ANKRD12: variants seen among roughly 807,000 people sequenced by gnomAD.
ANKRD12 encodes ankyrin repeat domain-containing protein 12.
In ANKRD12, 85 loss-of-function variants were observed where a neutral mutation model predicts 183.4. That is an observed-to-expected ratio of 0.46 (90% CI 0.39 to 0.56). The LOEUF is 0.56. Ranked by LOEUF, ANKRD12 falls within the 20% of genes least tolerant of loss-of-function variation. ANKRD12 has a pLI of 0.00. For missense variants in ANKRD12, 2,405 were observed against 2,357.1 expected (o/e 1.02, Z -0.42); for synonymous variants, 914 against 800.2 (o/e 1.14, Z -2.40).
rs201023734 is a variant in ANKRD12, at chr18:9,281,031, C to G, written c.6094C>G (p.Pro2032Ala). 7.9e-5 allele frequency: 127 copies of G among 1,614,112 alleles called. No individual in the cohort carries two copies. Among genetic ancestry groups the G allele is most frequent in the Non-Finnish European group, 1.1e-4 (125 of 1,179,990 alleles). Residue 2032 changes from proline to alanine, a missense_variant, in exon 13 of 13, where the codon CCT becomes GCT. Coordinates refer to ENST00000262126, the MANE Select transcript of ANKRD12 (RefSeq NM_015208.5). ...EWQLKLQELD[P>A]ATYKSISIYE... ...GCAGCTCAAACTCCAGGAACTTGAT[C>G]CTGCCACCTATAAATCTATCAGCAT... is the stretch of plus-strand genomic sequence containing the variant.
In ANKRD12 at chr18:9,281,079, G is replaced by A. The variant is rs1391323319; in HGVS notation, c.6142G>A (p.Val2048Ile). ...CATTTACGAAATCCAGGAGTTTTATGTTCCCCTTGTTGATGTTAACGACGA... is the reference window on the plus strand; with the variant it reads ...CATTTACGAAATCCAGGAGTTTTATATTCCCCTTGTTGATGTTAACGACGA... Reference protein sequence around the residue: ...ISIYEIQEFYVPLVDVNDDFE... With the variant: ...ISIYEIQEFYIPLVDVNDDFE... Residue 2048 changes from valine (V) to isoleucine (I), a missense_variant, in exon 13 of 13, where the codon GTT (valine) becomes ATT (isoleucine). Val to Ile is a conservative substitution (Grantham distance 29). Around this residue, in one of 7 missense-constraint regions of ANKRD12, gnomAD observed 162 missense variants for 272.2 expected, o/e 0.60. Transcript: ENST00000262126. 3.1e-6 allele frequency: 5 copies of A among 1,614,010 alleles called. No individual in the cohort carries two copies. The highest frequency in any genetic ancestry group is 2.2e-5 in the East Asian group (1 of 44,878).
chr18:9,258,439 T>C lies in ANKRD12; in HGVS notation c.5172T>C (p.Asp1724=). 6.2e-7 allele frequency: 1 copy of C among 1,613,768 alleles called. No homozygotes were observed. Among genetic ancestry groups the C allele is most frequent in the Non-Finnish European group, 8.5e-7 (1 of 1,179,938 alleles). ...VKVELEENAE[D]DKTENQIPQR... ...TAGAATTAGAAGAAAATGCCGAAGA[T>C]GATAAAACTGAAAACCAAATCCCTC... is the stretch of plus-strand genomic sequence containing the variant. Residue 1724 remains aspartate (D), a synonymous_variant, in exon 9 of 13, where the codon GAT becomes GAC. Transcript: ENST00000262126.
chr18:9,246,396 G>A (rs993461654), intron 8 of ANKRD12, among the ~76,000 whole-genome samples: 2 of 151,966 alleles, frequency 1.3e-5, no homozygotes, highest in East Asian at 1.9e-4. Flanking sequence ...AATAAGTATC[G>A]TGTTTCACTC....
Position 9,255,112 on chromosome 18 carries a change from A to G in ANKRD12, c.1845A>G (p.Glu615=), listed in dbSNP as rs930462123. The change falls in exon 9 of 13, where the codon GAA becomes GAG. Residue 615 remains glutamate, a synonymous_variant. Transcript: ENST00000262126. ...KSKHQKDFHL[E]FGEKSNAKIK... is the part of the protein sequence containing the mutation. ...AACATCAGAAAGATTTCCACTTAGA[A>G]TTTGGTGAAAAATCAAATGCCAAAA... 1.3e-6 allele frequency: 2 copies of G among 1,581,170 alleles called. No homozygotes were observed. The highest frequency in any genetic ancestry group is 2.7e-5 in the African/African-American group (2 of 72,778).
chr18:9,137,432 G>A (rs2078148933), intron 1 of ANKRD12: 1 of 146,290 alleles, frequency 6.8e-6, no homozygotes, highest in South Asian at 2.1e-4. Flanking sequence ...GCGTGCGAGT[G>A]TGAGTGTGCG....
At chr18:9,197,426 A>G (rs2034901027) in intron 3 of ANKRD12, among the ~76,000 whole-genome samples, 1 of 152,216 alleles carries the variant, frequency 6.6e-6, no homozygotes, top group Non-Finnish European at 1.5e-5. Context: ...TGACCCTCGA[A>G]TGGTGTGGGG....
chr18:9,264,384 A>G (rs1262595579), intron 10 of ANKRD12, among the ~76,000 whole-genome samples: 1 of 152,244 alleles, frequency 6.6e-6, no homozygotes, highest in African/African-American at 2.4e-5. Flanking sequence ...TGGATTTACA[A>G]AAATATGTTT....
chr18:9,162,873 C>G (rs1204243233), intron 1 of ANKRD12, among the ~76,000 whole-genome samples: 1 of 151,954 alleles, frequency 6.6e-6, no homozygotes, highest in African/African-American at 2.4e-5. Flanking sequence ...ATGTTCTTTG[C>G]CCACTTTTTA....
At chr18:9,200,166 T>A (rs1278456141) in intron 3 of ANKRD12, among the ~76,000 whole-genome samples, 2 of 152,118 alleles carry the variant, frequency 1.3e-5, no homozygotes, top group African/African-American at 2.4e-5. Context: ...CTAATTTTTT[T>A]AAAAAAGAAA....
At chr18:9,171,790 G>GC (rs2032752612) in intron 1 of ANKRD12, among the ~76,000 whole-genome samples, 1 of 152,092 alleles carries the variant, frequency 6.6e-6, no homozygotes, top group South Asian at 2.1e-4. Context: ...GGAGGCTGAG[G>GC]TGGGTAGATA....
At position 9,255,458 on chromosome 18, in the gene ANKRD12, A is replaced by C. The variant is rs777618200; in HGVS notation, c.2191A>C (p.Lys731Gln). The change falls in exon 9 of 13, where the codon AAA (lysine) becomes CAA (glutamine). Residue 731 changes from lysine (K) to glutamine (Q), a missense_variant. This residue lies in a region of ANKRD12 where 1,983 missense variants were observed against 1,725.9 expected (regional missense o/e 1.15). Transcript: ENST00000262126. ...EKKSKLEKNI[K>Q]DDKSTKEKHV... is the part of the protein sequence containing the mutation. ...AAAATCAAAATTGGAAAAAAACATC[A>C]AAGATGATAAATCAACCAAGGAAAA... 6.4e-7 allele frequency: 1 copy of C among 1,573,764 alleles called. No individual in the cohort carries two copies.
chr18:9,213,485 C>G (rs1315196904), intron 6 of ANKRD12, among the ~76,000 whole-genome samples: 4 of 151,870 alleles, frequency 2.6e-5, no homozygotes, highest in Admixed American at 2.6e-4. Context: ...TAGCAACAAT[C>G]TGTATCCTTA....
At chr18:9,141,927 T>C (rs926348629) in intron 1 of ANKRD12, among the ~76,000 whole-genome samples, 1 of 152,134 alleles carries the variant, frequency 6.6e-6, no homozygotes, top group Admixed American at 6.5e-5. Flanking sequence ...AGTGGGTTTT[T>C]TGTTTGTTTG....
At chr18:9,201,895 T>C (rs1374109133) in intron 3 of ANKRD12, among the ~76,000 whole-genome samples, 1 of 151,770 alleles carries the variant, frequency 6.6e-6, no homozygotes, top group Non-Finnish European at 1.5e-5. Flanking sequence ...TGGCACAGTC[T>C]CGGCTCACTG....
At position 9,255,923 on chromosome 18, in the gene ANKRD12, G is replaced by T; in HGVS notation, c.2656G>T (p.Glu886Ter). 6.3e-7 allele frequency: 1 copy of T among 1,589,774 alleles called. No homozygotes were observed. Among genetic ancestry groups the T allele is most frequent in the South Asian group, 1.2e-5 (1 of 84,798 alleles). The part of the protein sequence containing the change: ...HHTEKCHKEG[E>*]KSKNTAAIKK... ...CACAGAAAAATGCCATAAAGAAGGT[G>T]AGAAGAGCAAAAATACTGCTGCTAT... Residue 886 changes from glutamate (E) to a stop codon, truncating the protein, a stop_gained, in exon 9 of 13, where the codon GAG becomes TAG. Coordinates refer to ENST00000262126, the MANE Select transcript of ANKRD12 (RefSeq NM_015208.5). LOFTEE classifies it high-confidence loss of function.
chr18:9,167,575 G>C (rs2032213209), intron 1 of ANKRD12, among the ~76,000 whole-genome samples: 1 of 152,196 alleles, frequency 6.6e-6, no homozygotes, highest in Admixed American at 6.5e-5. Flanking sequence ...TTTGTATCCT[G>C]AGACTTTGCT....
chr18:9,160,716 AAGTGTTATG>A (rs1490203348), intron 1 of ANKRD12, among the ~76,000 whole-genome samples: 10 of 152,214 alleles, frequency 6.6e-5, no homozygotes, highest in Non-Finnish European at 1.3e-4. Flanking sequence ...TTGCGTTATC[AAGTGTTATG>A]AGCCTAAAAG....
intron 1 of ANKRD12, among the ~76,000 whole-genome samples, chr18:9,153,471 A>G (rs1172871913): frequency 6.6e-6 from 1 of 151,856 alleles, no homozygotes; most frequent in Non-Finnish European, 1.5e-5. Context: ...TGTATAGTTC[A>G]TTTTCCTGGT....
At chr18:9,270,435 A>T (rs1043551486) in intron 10 of ANKRD12, among the ~76,000 whole-genome samples, 5 of 152,116 alleles carry the variant, frequency 3.3e-5, no homozygotes, top group African/African-American at 4.8e-5. Context: ...ATGCAGCCAT[A>T]AAAAAAATGA....
Sources: allele counts gnomAD v4.1 joint callset (sites outside exome capture counted in the v4.1 genomes callset), GRCh38; gene constraint gnomAD v4.1.1; regional missense constraint gnomAD v4.1.1; transcripts MANE v1.5; gene names NCBI Gene and HGNC (gene_info 2026-07-23, HGNC 2026-07-21).